The following ALKBH8 variants were observed in gnomAD, a reference collection of about 807,000 sequenced individuals.
ALKBH8 encodes the protein tRNA (carboxymethyluridine(34)-5-O)-methyltransferase ALKBH8.
ALKBH8 carries 36 observed loss-of-function variants against 59.8 expected under a neutral mutation model. The ratio of observed to expected loss-of-function variants is 0.60; its 90% CI spans 0.46 to 0.79. ALKBH8 has a LOEUF of 0.79. ALKBH8 is among the 30% of genes least tolerant of loss of function. The pLI is 0.00. For synonymous variants in ALKBH8, 276 were observed against 273.6 expected, an observed-to-expected ratio of 1.01 and a Z score of -0.09; for missense variants, 768 against 801.0, an observed-to-expected ratio of 0.96 and a Z score of 0.50.
In ALKBH8 at chr11:107,549,640, TA is replaced by T; in HGVS notation, c.771+112del. 6 of 778,678 alleles carry T rather than the reference TA, an allele frequency of 7.7e-6. No individual in the cohort carries two copies. The South Asian group carries it at 2.2e-4, about 28-fold the overall frequency. The allele number at this position is 778,678 out of a possible 1,614,324, so 48.2% of individuals were successfully genotyped here. On this transcript the variant is annotated intron_variant, in intron 7 of 11. Transcript: ENST00000428149. The stretch of plus-strand genomic sequence containing the variant: ...GAAACCAAAGTGCTAATGGTGCCCT[TA>T]TTTTTCATTTTTAAATCTTAATTCA...
At chr11:107,529,246 A>G (rs1222347418) in intron 8 of ALKBH8, among the ~76,000 whole-genome samples, 1 of 152,198 alleles carries the variant, frequency 6.6e-6, no homozygotes, top group Non-Finnish European at 1.5e-5. Context: ...TGTAAATTAA[A>G]TGAGTTAATA....
intron 3 of ALKBH8, among the ~76,000 whole-genome samples, chr11:107,554,982 G>A (rs2135580223): frequency 6.6e-6 from 1 of 152,332 alleles, no homozygotes; most frequent in Middle Eastern, 3.4e-3. Flanking sequence ...TGTGATGGCT[G>A]GGTGCGGTGG....
chr11:107,514,731 G>A lies in ALKBH8; in HGVS notation c.1288-3695C>T, dbSNP rs146490406. Among the ~76,000 whole-genome samples the A allele has an allele frequency of 7.7e-3, 1,171 of 151,834 alleles. 5 individuals carry two copies. The highest frequency in any genetic ancestry group is 0.011 in the Non-Finnish European group (777 of 67,960). ...CTCCTTTTTTGTTACATTTAAATTCGGTTCATAGAATTGGAAGTTTCAAGT... is the reference window on the plus strand; with the variant it reads ...CTCCTTTTTTGTTACATTTAAATTCAGTTCATAGAATTGGAAGTTTCAAGT... On this transcript the variant is annotated intron_variant, in intron 10 of 11. Transcript: ENST00000428149.
At chr11:107,563,549 T>C (rs1865018869) in intron 1 of ALKBH8, 1 of 151,652 alleles carries the variant, frequency 6.6e-6, no homozygotes, top group South Asian at 2.1e-4. Context: ...TTTATTACTG[T>C]TGATTTTCAG....
chr11:107,539,409 G>A (rs1340142031), intron 7 of ALKBH8, among the ~76,000 whole-genome samples: 1 of 152,126 alleles, frequency 6.6e-6, no homozygotes, highest in African/African-American at 2.4e-5. Context: ...AGACCAGCCT[G>A]GCCAACATGG....
At chr11:107,513,682 A>T (rs1040724368) in intron 10 of ALKBH8, among the ~76,000 whole-genome samples, 1 of 152,242 alleles carries the variant, frequency 6.6e-6, no homozygotes, top group Non-Finnish European at 1.5e-5. Context: ...AATGTGTTAC[A>T]CACTATGGAA....
intron 10 of ALKBH8, among the ~76,000 whole-genome samples, chr11:107,514,323 TA>T (rs909217328): frequency 2.0e-5 from 3 of 152,080 alleles, no homozygotes; most frequent in Non-Finnish European, 2.9e-5. Context: ...GAATGGAAAT[TA>T]AAAAAAATTC....
At position 107,540,803 on chromosome 11, in the gene ALKBH8, A is replaced by G. The variant is rs73553656; in HGVS notation, c.772-8397T>C. On this transcript the variant is annotated intron_variant, in intron 7 of 11. Coordinates refer to ENST00000428149, the MANE Select transcript of ALKBH8 (RefSeq NM_138775.3). Reference sequence around the variant, plus strand: ...ATGAAAAGGTTATAGAAGAAATAAAATATTTTAGCTTAAAAAATATTTTAA... The same window carrying G: ...ATGAAAAGGTTATAGAAGAAATAAAGTATTTTAGCTTAAAAAATATTTTAA... 5.1e-3 allele frequency among the ~76,000 whole-genome samples: 783 copies of G among 152,336 alleles called. 4 individuals are homozygous for G. Among genetic ancestry groups the G allele is most frequent in the African/African-American group, 0.018 (741 of 41,580 alleles).
chr11:107,505,895 G>A (rs1001966946), intron 11 of ALKBH8, among the ~76,000 whole-genome samples: 3 of 152,214 alleles, frequency 2.0e-5, no homozygotes, highest in Non-Finnish European at 2.9e-5. Context: ...GGAGGTCAAA[G>A]CAGCTGAGGG....
At chr11:107,524,563 A>G (rs1863271427) in intron 9 of ALKBH8, among the ~76,000 whole-genome samples, 1 of 152,214 alleles carries the variant, frequency 6.6e-6, no homozygotes, top group African/African-American at 2.4e-5. Context: ...TTCAATATTC[A>G]TCAAATAATA....
At chr11:107,554,072 C>T in intron 3 of ALKBH8, 94 bp from the exon 4 acceptor site, 1 of 1,459,324 alleles carries the variant, frequency 6.9e-7, no homozygotes, top group Non-Finnish European at 9.3e-7. Context: ...GTTCACAAAA[C>T]TTCAAATCCT....
Position 107,504,302 on chromosome 11 carries a change from T to C in ALKBH8, c.*356A>G, listed in dbSNP as rs940068473. 42 of 535,436 alleles carry C rather than the reference T, an allele frequency of 7.8e-5. No homozygotes were observed. The highest frequency in any genetic ancestry group is 7.4e-4 in the African/African-American group (38 of 51,340). The allele number at this position is 535,436 out of a possible 1,614,324, so 33.2% of individuals were successfully genotyped here. On this transcript the variant is annotated 3_prime_UTR_variant, in exon 12 of 12. Coordinates refer to ENST00000428149, the MANE Select transcript of ALKBH8 (RefSeq NM_138775.3). ...ACTATTTTCTGTATTAACATATAAT[T>C]ACATCCCTAAAATCCTACATGATTT...
chr11:107,542,921 A>C (rs1864101965), intron 7 of ALKBH8, among the ~76,000 whole-genome samples: 1 of 152,064 alleles, frequency 6.6e-6, no homozygotes, highest in African/African-American at 2.4e-5. Flanking sequence ...AAAAACAGGA[A>C]TATTTGCCAT....
intron 7 of ALKBH8, among the ~76,000 whole-genome samples, chr11:107,541,979 A>G (rs1173239686): frequency 6.6e-6 from 1 of 152,212 alleles, no homozygotes; most frequent in East Asian, 1.9e-4. Context: ...GATATCAATG[A>G]ATGAGCTTAA....
intron 2 of ALKBH8, among the ~76,000 whole-genome samples, chr11:107,559,197 A>G (rs1035777800): frequency 6.6e-6 from 1 of 152,208 alleles, no homozygotes; most frequent in African/African-American, 2.4e-5. Context: ...GCCACGTGGA[A>G]CTGTGGGTTC....
chr11:107,565,318 T>C, intron 1 of ALKBH8: 3 of 539,224 alleles, frequency 5.6e-6, no homozygotes, highest in Non-Finnish European at 1.0e-5. Context: ...ACACGCCCCA[T>C]GTTGCAACCG....
Position 107,551,871 on chromosome 11 carries a change from T to C in ALKBH8, c.637A>G (p.Arg213Gly). 1 of 1,552,560 alleles carries C rather than the reference T, an allele frequency of 6.4e-7. No individual in the cohort carries two copies. The highest frequency in any genetic ancestry group is 1.2e-5 in the South Asian group (1 of 80,214). ...GGTTTATGTTTAATGTAACCTTTCC[T>C]CAACCATTTCTCCAAAAAGCTTTCA... ...ICESFLEKWL[R>G]KGYIKHKPDQ... The change falls in exon 6 of 12, where the codon AGG becomes GGG. Residue 213 changes from arginine to glycine, a missense_variant. Arg to Gly is a moderately radical substitution (Grantham distance 125). Coordinates refer to ENST00000428149, the MANE Select transcript of ALKBH8 (RefSeq NM_138775.3).
chr11:107,529,861 T>C (rs1311923197), intron 8 of ALKBH8, among the ~76,000 whole-genome samples: 2 of 152,248 alleles, frequency 1.3e-5, no homozygotes, highest in East Asian at 3.9e-4. Context: ...CATGTAACTC[T>C]AAGATAAAAA....
intron 8 of ALKBH8, among the ~76,000 whole-genome samples, chr11:107,530,724 C>T (rs1280999081): frequency 6.6e-6 from 1 of 151,736 alleles, no homozygotes; most frequent in Non-Finnish European, 1.5e-5. Flanking sequence ...CCTAAAAATA[C>T]TGTAGAGAAT....
Sources: gnomAD v4.1 joint callset for allele counts (sites outside exome capture counted in the v4.1 genomes callset) on GRCh38, gnomAD v4.1.1 for gene constraint, MANE v1.5 for transcripts, NCBI Gene and HGNC (gene_info 2026-07-23, HGNC 2026-07-21) for gene names.